PKNOX2: variants seen among roughly 807,000 people sequenced by gnomAD.
PKNOX2 encodes the protein homeobox protein PKNOX2.
Under a neutral mutation model 53.1 loss-of-function variants are expected in PKNOX2, and 14 were observed. That is an observed-to-expected ratio of 0.26 (90% CI 0.17 to 0.41). The LOEUF is 0.41. Ranked by LOEUF, PKNOX2 falls within the 10% of genes least tolerant of loss-of-function variation. The probability of loss-of-function intolerance (pLI) is 1.00; values close to 1 mark genes in which losing one functional copy is unlikely to be tolerated. For synonymous variants in PKNOX2, 257 were observed against 242.8 expected (o/e 1.06, Z -0.54); for missense variants, 496 against 602.8 (o/e 0.82, Z 1.85).
chr11:125,198,738 TCTC>T (rs3083049), intron 1 of PKNOX2, among the ~76,000 whole-genome samples: 28,158 of 151,720 alleles, frequency 0.19, 3,297 homozygotes, highest in East Asian at 0.33. Flanking sequence ...GCCACCTGCT[TCTC>T]CTCTGATTTT....
At chr11:125,399,779 G>A (rs2135468042) in intron 7 of PKNOX2, among the ~76,000 whole-genome samples, 1 of 152,268 alleles carries the variant, frequency 6.6e-6, no homozygotes, top group East Asian at 1.9e-4. Flanking sequence ...TCGAGCTCTG[G>A]AGCTGGGGGT....
intron 11 of PKNOX2, among the ~76,000 whole-genome samples, chr11:125,429,353 C>G (rs1198951351): frequency 6.6e-6 from 1 of 152,224 alleles, no homozygotes; most frequent in Non-Finnish European, 1.5e-5. Flanking sequence ...AGAGAAAACC[C>G]ACGCCCACCT....
chr11:125,232,193 G>A (rs1942265907), intron 1 of PKNOX2, among the ~76,000 whole-genome samples: 1 of 152,254 alleles, frequency 6.6e-6, no homozygotes, highest in Non-Finnish European at 1.5e-5. Context: ...TACCATGTGG[G>A]AGAAGGATTG....
chr11:125,384,693 C>A (rs1270483275), intron 5 of PKNOX2, among the ~76,000 whole-genome samples: 1 of 151,998 alleles, frequency 6.6e-6, no homozygotes, highest in Non-Finnish European at 1.5e-5. Context: ...TCAAAAAAAA[C>A]AAAAAGATCC....
At chr11:125,378,087 A>G (rs181259727) in intron 5 of PKNOX2, among the ~76,000 whole-genome samples, 1 of 152,306 alleles carries the variant, frequency 6.6e-6, no homozygotes, top group Non-Finnish European at 1.5e-5. Context: ...TCTGTTTGGG[A>G]AAGTAGTTTC....
chr11:125,362,722 A>G (rs956706328), intron 4 of PKNOX2, among the ~76,000 whole-genome samples: 3 of 152,112 alleles, frequency 2.0e-5, no homozygotes, highest in East Asian at 1.9e-4. Flanking sequence ...CTTCCCCTAC[A>G]ATTGGAAAAA....
intron 2 of PKNOX2, among the ~76,000 whole-genome samples, chr11:125,243,344 T>C (rs1943302854): frequency 6.6e-6 from 1 of 152,196 alleles, no homozygotes; most frequent in Non-Finnish European, 1.5e-5. Context: ...GGACTGTCCC[T>C]GGGGTGGGAG....
chr11:125,349,358 C>T (rs1951172799), intron 3 of PKNOX2, among the ~76,000 whole-genome samples: 1 of 151,954 alleles, frequency 6.6e-6, no homozygotes, highest in African/African-American at 2.4e-5. Flanking sequence ...AAGAGAGAGG[C>T]TCCCCCAAAG....
chr11:125,395,724 CT>C (rs1029246536), intron 6 of PKNOX2, among the ~76,000 whole-genome samples: 3 of 152,278 alleles, frequency 2.0e-5, no homozygotes, highest in Admixed American at 1.3e-4. Context: ...TGTATATCCT[CT>C]TCAGTGAAAT....
At chr11:125,175,524 G>C (rs1306990354) in intron 1 of PKNOX2, among the ~76,000 whole-genome samples, 1 of 152,222 alleles carries the variant, frequency 6.6e-6, no homozygotes, top group African/African-American at 2.4e-5. Context: ...ACGAGTGGAG[G>C]CTCCTTTGCT....
At chr11:125,192,208 GA>G in intron 1 of PKNOX2, among the ~76,000 whole-genome samples, 1 of 152,234 alleles carries the variant, frequency 6.6e-6, no homozygotes, top group African/African-American at 2.4e-5. Context: ...TAAACGTGGG[GA>G]AATTCATACA....
At chr11:125,206,827 TAGAC>T (rs1238229434) in intron 1 of PKNOX2, among the ~76,000 whole-genome samples, 1 of 151,940 alleles carries the variant, frequency 6.6e-6, no homozygotes, top group East Asian at 1.9e-4. Flanking sequence ...GTGAGTGACT[TAGAC>T]AGGTTGTGTT....
At chr11:125,287,846 G>A (rs1947007174) in intron 2 of PKNOX2, 1 of 152,330 alleles carries the variant, frequency 6.6e-6, no homozygotes, top group Non-Finnish European at 1.5e-5. Context: ...AATTTGTCCA[G>A]GGATTCTATC....
At chr11:125,208,835 G>A (rs1296097999) in intron 1 of PKNOX2, among the ~76,000 whole-genome samples, 1 of 152,016 alleles carries the variant, frequency 6.6e-6, no homozygotes, top group East Asian at 1.9e-4. Context: ...GAGAGGGGAC[G>A]TGTGCTGCAT....
chr11:125,219,462 A>C (rs1157183835), intron 1 of PKNOX2, among the ~76,000 whole-genome samples: 1 of 152,072 alleles, frequency 6.6e-6, no homozygotes, highest in African/African-American at 2.4e-5. Flanking sequence ...AATTATAAAC[A>C]AAGCTAAGAG....
At chr11:125,410,477 C>T (rs955438537) in intron 8 of PKNOX2, 152 bp downstream of exon 8, 31 of 1,116,658 alleles carry the variant, frequency 2.8e-5, no homozygotes, top group East Asian at 7.8e-5. Context: ...AGTTTATAGA[C>T]GGTTAGCGCC....
chr11:125,289,976 T>TA (rs891509696), intron 2 of PKNOX2, among the ~76,000 whole-genome samples: 19 of 152,054 alleles, frequency 1.2e-4, no homozygotes, highest in African/African-American at 3.9e-4. Context: ...CTATTTCATC[T>TA]AAAAAAAATA....
At chr11:125,273,846 T>C (rs1945981744) in intron 2 of PKNOX2, among the ~76,000 whole-genome samples, 1 of 152,208 alleles carries the variant, frequency 6.6e-6, no homozygotes, top group Non-Finnish European at 1.5e-5. Context: ...AAGACTTGGA[T>C]ACATATTTGA....
intron 6 of PKNOX2, among the ~76,000 whole-genome samples, chr11:125,396,224 G>A (rs558845107): frequency 1.3e-5 from 2 of 152,310 alleles, no homozygotes; most frequent in Admixed American, 1.3e-4. Context: ...AAAGTGCTGG[G>A]ATTACAGGCG....
Sources: gnomAD v4.1 joint callset for allele counts (sites outside exome capture counted in the v4.1 genomes callset) on GRCh38, gnomAD v4.1.1 for gene constraint, MANE v1.5 for transcripts, NCBI Gene and HGNC (gene_info 2026-07-23, HGNC 2026-07-21) for gene names.